The following EPHA6 variants were observed in gnomAD, a reference collection of about 807,000 sequenced individuals.
EPHA6 encodes the protein ephrin type-A receptor 6.
A neutral mutation model predicts 112.0 loss-of-function variants in EPHA6; 50 were observed. The ratio of observed to expected loss-of-function variants is 0.45; its 90% confidence interval spans 0.36 to 0.56. EPHA6 has a LOEUF of 0.56. Among genes scored for constraint, EPHA6 ranks in the 20% least tolerant of loss-of-function variants. EPHA6 has a pLI of 0.00. For synonymous variants in EPHA6, 529 were observed against 490.7 expected, an observed-to-expected ratio of 1.08 and a Z score of -1.03; for missense variants, 1,280 against 1,417.4, an observed-to-expected ratio of 0.90 and a Z score of 1.56.
chr3:96,858,236 T>C (rs528556115), intron 1 of EPHA6, among the ~76,000 whole-genome samples: 1 of 152,202 alleles, frequency 6.6e-6, no homozygotes, highest in African/African-American at 2.4e-5. Context: ...CATGCTACCC[T>C]AGTAGGGTGG....
rs11927767 is a variant in EPHA6 at position 97,554,169 on chromosome 3, A to T, written c.2386+21626A>T. Among the ~76,000 whole-genome samples, 818 of 152,190 alleles carry T rather than the reference A, an allele frequency of 5.4e-3. 9 individuals are homozygous for T. The highest frequency in any genetic ancestry group is 0.019 in the African/African-American group (786 of 41,546). Reference sequence around the variant, plus strand: ...AATGGATTTTTTTTTCTTTTTCTTAACTTCTATTTGAACAAAACAAAAAGT... The same window carrying T: ...AATGGATTTTTTTTTCTTTTTCTTATCTTCTATTTGAACAAAACAAAAAGT... On this transcript the variant is annotated intron_variant, in intron 11 of 17. Transcript: ENST00000389672.
chr3:96,998,223 T>A (rs2043495409), intron 3 of EPHA6, among the ~76,000 whole-genome samples: 1 of 151,972 alleles, frequency 6.6e-6, no homozygotes, highest in Non-Finnish European at 1.5e-5. Context: ...ACTTACCATG[T>A]TACCCATGTC....
At chr3:97,744,340 A>G (rs1419853812) in intron 16 of EPHA6, among the ~76,000 whole-genome samples, 1 of 152,062 alleles carries the variant, frequency 6.6e-6, no homozygotes, top group African/African-American at 2.4e-5. Flanking sequence ...ATCATTGTAC[A>G]TGTTTGATAA....
chr3:96,840,445 G>C (rs1284038891), intron 1 of EPHA6, among the ~76,000 whole-genome samples: 1 of 152,116 alleles, frequency 6.6e-6, no homozygotes, highest in African/African-American at 2.4e-5. Flanking sequence ...CAGCAAGTCT[G>C]TCAGTAGTCC....
chr3:97,602,515 A>G (rs1576035983), intron 12 of EPHA6, among the ~76,000 whole-genome samples: 1 of 152,098 alleles, frequency 6.6e-6, no homozygotes, highest in East Asian at 1.9e-4. Context: ...ATGGCCAAGC[A>G]TTCAGACTCT....
chr3:97,086,926 G>A (rs1414211450), intron 3 of EPHA6, among the ~76,000 whole-genome samples: 3 of 152,000 alleles, frequency 2.0e-5, no homozygotes, highest in Non-Finnish European at 4.4e-5. Context: ...TAAATCATAT[G>A]CAATTATCAG....
chr3:96,974,737 C>G (rs888560137), intron 2 of EPHA6, among the ~76,000 whole-genome samples: 1 of 151,938 alleles, frequency 6.6e-6, no homozygotes, highest in African/African-American at 2.4e-5. Context: ...GAAATTTTGC[C>G]AGAGTCTCTT....
At chr3:97,084,964 A>G (rs2108211081) in intron 3 of EPHA6, among the ~76,000 whole-genome samples, 1 of 152,282 alleles carries the variant, frequency 6.6e-6, no homozygotes, top group South Asian at 2.1e-4. Context: ...TTCTTAGCCA[A>G]ATATTTATTA....
At chr3:97,598,043 G>C (rs1180433147) in intron 12 of EPHA6, among the ~76,000 whole-genome samples, 1 of 152,056 alleles carries the variant, frequency 6.6e-6, no homozygotes, top group Admixed American at 6.5e-5. Flanking sequence ...TTTTAAATAT[G>C]ATCAAATTGC....
rs1244265097 is a variant in EPHA6, at chr3:97,749,135, GT to G, written c.*437del. On this transcript the variant is annotated 3_prime_UTR_variant, in exon 18 of 18. Coordinates refer to ENST00000389672, the MANE Select transcript of EPHA6 (RefSeq NM_001080448.3). ...AAGTAGCTTCCAAACTGACAGAAAT[GT>G]TTCATTTTTAGATAATTATATTCAG... 1 of 234,508 alleles carries G rather than the reference GT, an allele frequency of 4.3e-6. No homozygotes were observed. The highest frequency in any genetic ancestry group is 8.4e-6 in the Non-Finnish European group (1 of 118,370). 14.5% of individuals were successfully genotyped at this position (234,508 alleles called of 1,614,324 possible).
chr3:97,287,898 G>A lies in EPHA6; in HGVS notation c.1606+43611G>A, dbSNP rs2080528842. 2.6e-5 allele frequency among the ~76,000 whole-genome samples: 4 copies of A among 152,052 alleles called. No individual in the cohort carries two copies. In the East Asian group the frequency reaches 7.7e-4, roughly 29 times the overall value. ...TTTGTTGCATCCTTGTCTGATTTTG[G>A]TGTCAGGGTAGTAGTATCAGGGTAA... On this transcript the variant is annotated intron_variant, in intron 5 of 17. Transcript: ENST00000389672.
chr3:96,832,360 A>G (rs1354050015), intron 1 of EPHA6, among the ~76,000 whole-genome samples: 2 of 152,090 alleles, frequency 1.3e-5, no homozygotes, highest in African/African-American at 4.8e-5. Flanking sequence ...TAATAAAATC[A>G]TGAAGCTAAA....
chr3:96,841,443 C>T (rs764602597), intron 1 of EPHA6, among the ~76,000 whole-genome samples: 19 of 152,004 alleles, frequency 1.2e-4, no homozygotes, highest in Non-Finnish European at 2.4e-4. Context: ...TTTCCAAACA[C>T]GTGTTAGGAT....
intron 6 of EPHA6, among the ~76,000 whole-genome samples, chr3:97,444,279 G>T (rs2090248189): frequency 6.6e-6 from 1 of 151,536 alleles, no homozygotes; most frequent in African/African-American, 2.4e-5. Flanking sequence ...ATCCCAATAG[G>T]CCCAAAGACT....
intron 2 of EPHA6, among the ~76,000 whole-genome samples, chr3:96,973,977 ATCTT>A (rs1018449765): frequency 4.8e-5 from 7 of 145,790 alleles, no homozygotes; most frequent in South Asian, 2.1e-4. Context: ...TTATAACAGA[ATCTT>A]TATTATATAT....
chr3:96,946,947 G>A (rs1348089282), intron 2 of EPHA6, among the ~76,000 whole-genome samples: 1 of 151,716 alleles, frequency 6.6e-6, no homozygotes, highest in African/African-American at 2.4e-5. Context: ...ATTTTTTCAT[G>A]TGTCTGTTGG....
At chr3:97,213,391 C>T (rs1443832791) in intron 3 of EPHA6, among the ~76,000 whole-genome samples, 1 of 152,116 alleles carries the variant, frequency 6.6e-6, no homozygotes, top group Admixed American at 6.6e-5. Context: ...CTGTGTTTCC[C>T]ATTTCTGGCC....
At chr3:97,276,636 G>A (rs1202529232) in intron 5 of EPHA6, among the ~76,000 whole-genome samples, 1 of 152,100 alleles carries the variant, frequency 6.6e-6, no homozygotes, top group Non-Finnish European at 1.5e-5. Flanking sequence ...TTGATGGCCG[G>A]AATTTAATTT....
chr3:97,565,507 A>T (rs56971902), intron 11 of EPHA6, among the ~76,000 whole-genome samples: 2,360 of 152,310 alleles, frequency 0.015, 42 homozygotes, highest in African/African-American at 0.046. Context: ...TTAGTATAAT[A>T]AAATATTGGA....
Sources: allele counts gnomAD v4.1 joint callset (sites outside exome capture counted in the v4.1 genomes callset), GRCh38; gene constraint gnomAD v4.1.1; transcripts MANE v1.5; gene names NCBI Gene and HGNC (gene_info 2026-07-23, HGNC 2026-07-21).